Variants in TMEM132D observed in about 807,000 individuals in gnomAD.
TMEM132D encodes the protein transmembrane protein 132D.
Under a neutral mutation model 62.3 loss-of-function variants are expected in TMEM132D, and 21 were observed. The ratio of observed to expected loss-of-function variants is 0.34; its 90% confidence interval spans 0.24 to 0.49. The LOEUF (loss-of-function observed/expected upper bound fraction) is 0.49. TMEM132D is among the 20% of genes least tolerant of loss of function. TMEM132D has a pLI of 0.99. For synonymous variants in TMEM132D, 621 were observed against 575.6 expected (o/e 1.08, Z -1.13); for missense variants, 1,346 against 1,402.8 (o/e 0.96, Z 0.65).
intron 2 of TMEM132D, among the ~76,000 whole-genome samples, chr12:129,562,221 G>C (rs935980496): frequency 6.6e-6 from 1 of 152,142 alleles, no homozygotes; most frequent in Non-Finnish European, 1.5e-5. Context: ...CATTTCACCA[G>C]ATCCAGGTCA....
chr12:129,879,989 T>TA (rs555712338), intron 1 of TMEM132D, among the ~76,000 whole-genome samples: 3 of 151,930 alleles, frequency 2.0e-5, no homozygotes, highest in Non-Finnish European at 4.4e-5. Flanking sequence ...CCAAAAGTCA[T>TA]AAAAGATTCA....
intron 1 of TMEM132D, among the ~76,000 whole-genome samples, chr12:129,883,775 A>G (rs1874674834): frequency 6.6e-6 from 1 of 152,202 alleles, no homozygotes. Flanking sequence ...CAAAAATGTA[A>G]AGTCGATTTA....
At chr12:129,592,878 A>G (rs1036026066) in intron 2 of TMEM132D, among the ~76,000 whole-genome samples, 1 of 152,194 alleles carries the variant, frequency 6.6e-6, no homozygotes, top group African/African-American at 2.4e-5. Context: ...AAAGAGGACT[A>G]TTTTATTAGT....
intron 4 of TMEM132D, among the ~76,000 whole-genome samples, chr12:129,213,852 T>C (rs1025813972): frequency 6.6e-6 from 1 of 152,178 alleles, no homozygotes; most frequent in Non-Finnish European, 1.5e-5. Context: ...CATTTCAACA[T>C]GAGGTTTGGG....
At chr12:129,525,261 T>C (rs1875995739) in intron 3 of TMEM132D, among the ~76,000 whole-genome samples, 1 of 122,448 alleles carries the variant, frequency 8.2e-6, no homozygotes, top group African/African-American at 3.1e-5. Context: ...TTTTTGCTAA[T>C]ATAATTAATA....
intron 5 of TMEM132D, among the ~76,000 whole-genome samples, chr12:129,167,181 A>C (rs1375725441): frequency 8.1e-5 from 12 of 148,798 alleles, no homozygotes; most frequent in Non-Finnish European, 1.8e-4. Context: ...CAAAAAAAAA[A>C]CCAGTGCCAA....
At chr12:129,303,071 T>C (rs976493328) in intron 4 of TMEM132D, among the ~76,000 whole-genome samples, 10 of 152,182 alleles carry the variant, frequency 6.6e-5, no homozygotes, top group Non-Finnish European at 1.2e-4. Context: ...TCAGCAAGCA[T>C]TGATGGCTCC....
At chr12:129,077,263 T>C (rs1874292883) in intron 8 of TMEM132D, among the ~76,000 whole-genome samples, 1 of 151,794 alleles carries the variant, frequency 6.6e-6, no homozygotes, top group African/African-American at 2.4e-5. Flanking sequence ...CGAGGAAGAG[T>C]GCGCAGAAAA....
intron 2 of TMEM132D, among the ~76,000 whole-genome samples, chr12:129,623,056 G>T (rs1879116124): frequency 1.3e-5 from 2 of 152,138 alleles, no homozygotes; most frequent in Non-Finnish European, 2.9e-5. Flanking sequence ...GAGGGGGAAG[G>T]GGAGAGAGAG....
Position 129,341,989 on chromosome 12 carries a change from G to A in TMEM132D, c.1116-4172C>T, listed in dbSNP as rs551136831. Among the ~76,000 whole-genome samples, 16 of 152,234 alleles carry A rather than the reference G, an allele frequency of 1.1e-4. No individual in the cohort carries two copies. The South Asian group carries it at 3.1e-3, about 30-fold the overall frequency. The stretch of plus-strand genomic sequence containing the variant: ...TAGGAAGAATCAATATCGTGAAAAT[G>A]GCCATACTGCCCAAGGTCATTTACA... On this transcript the variant is annotated intron_variant, in intron 3 of 8. Transcript: ENST00000422113.
chr12:129,168,837 A>G (rs974214240), intron 5 of TMEM132D, among the ~76,000 whole-genome samples: 10 of 152,080 alleles, frequency 6.6e-5, no homozygotes, highest in Non-Finnish European at 1.5e-4. Context: ...TTGGTTGAGA[A>G]CCGCTGACCT....
intron 1 of TMEM132D, among the ~76,000 whole-genome samples, chr12:129,731,874 G>A (rs1869257863): frequency 6.6e-6 from 1 of 152,162 alleles, no homozygotes; most frequent in African/African-American, 2.4e-5. Context: ...GTGTGAGCCA[G>A]GATGGTCTCG....
rs61354153 is a variant in TMEM132D at position 129,180,210 on chromosome 12, G to GGGAGGAGGAGGAGGA, written c.1443+29295_1443+29309dup. Among the ~76,000 whole-genome samples, 586 of 149,898 alleles carry GGGAGGAGGAGGAGGA rather than the reference G, an allele frequency of 3.9e-3. 4 individuals are homozygous for GGGAGGAGGAGGAGGA. The highest frequency in any genetic ancestry group is 0.014 in the African/African-American group (554 of 40,768). On this transcript the variant is annotated intron_variant, in intron 5 of 8. Transcript: ENST00000422113. ...GCATTCGTAAGCAGCACAGATAGTGGGGAGGAGGAGGAGGAGGAGGAGGAG... is the reference window on the plus strand; with the variant it reads ...GCATTCGTAAGCAGCACAGATAGTGGGGAGGAGGAGGAGGAGGAGGAGGAGGAGGAGGAGGAGGAG...
rs187483991 is a variant in TMEM132D at position 129,799,550 on chromosome 12, G to A, written c.80-98852C>T. On this transcript the variant is annotated intron_variant, in intron 1 of 8. Transcript: ENST00000422113. Reference sequence around the variant, plus strand: ...TCACCTGGAGCTGCAGGTTTTCCTCGTCTCCACCGAGCATGTGACCCATAG... The same window carrying A: ...TCACCTGGAGCTGCAGGTTTTCCTCATCTCCACCGAGCATGTGACCCATAG... Among the ~76,000 whole-genome samples the A allele has an allele frequency of 1.2e-3, 183 of 152,054 alleles. 1 individual carries two copies. The highest frequency in any genetic ancestry group is 1.3e-3 in the Non-Finnish European group (89 of 68,002).
chr12:129,368,017 T>C (rs1408676119), intron 3 of TMEM132D, among the ~76,000 whole-genome samples: 4 of 152,154 alleles, frequency 2.6e-5, no homozygotes, highest in Admixed American at 1.3e-4. Flanking sequence ...GGTCTTGAAC[T>C]CCTGACCTCA....
At chr12:129,432,178 G>C (rs527683418) in intron 3 of TMEM132D, among the ~76,000 whole-genome samples, 76 of 151,464 alleles carry the variant, frequency 5.0e-4, no homozygotes, top group Middle Eastern at 6.8e-3. Context: ...TGGATGGATG[G>C]ATGGATGGAT....
intron 4 of TMEM132D, among the ~76,000 whole-genome samples, chr12:129,257,025 C>T (rs144310580): frequency 1.3e-5 from 2 of 152,246 alleles, no homozygotes; most frequent in African/African-American, 4.8e-5. Context: ...CAGACTTTCC[C>T]TGGTCTATCC....
At chr12:129,865,401 CA>C (rs1320837687) in intron 1 of TMEM132D, among the ~76,000 whole-genome samples, 1 of 152,072 alleles carries the variant, frequency 6.6e-6, no homozygotes, top group Non-Finnish European at 1.5e-5. Flanking sequence ...TGGTCACAAC[CA>C]ATTACACAAA....
At chr12:129,320,515 A>G (rs886771272) in intron 4 of TMEM132D, among the ~76,000 whole-genome samples, 2 of 152,232 alleles carry the variant, frequency 1.3e-5, no homozygotes, top group Non-Finnish European at 2.9e-5. Context: ...CTAGAAAAAG[A>G]TGATACTAGA....
Sources: allele counts gnomAD v4.1 joint callset (sites outside exome capture counted in the v4.1 genomes callset), GRCh38; gene constraint gnomAD v4.1.1; transcripts MANE v1.5; gene names NCBI Gene and HGNC (gene_info 2026-07-23, HGNC 2026-07-21).